FAM221A: variants seen among roughly 807,000 people sequenced by gnomAD.
FAM221A encodes the protein protein FAM221A.
Under a neutral mutation model 37.6 loss-of-function variants are expected in FAM221A, and 43 were observed. That is an observed-to-expected ratio of 1.15 (90% CI 0.90 to 1.48). The LOEUF (loss-of-function observed/expected upper bound fraction) is 1.48, where lower values mean the gene tolerates loss of function less well. FAM221A is among the 40% of genes most tolerant of loss of function. The pLI, the probability that FAM221A is intolerant of heterozygous loss-of-function variation, is 0.00. For synonymous variants in FAM221A, 135 were observed against 132.9 expected (o/e 1.02, Z -0.11); for missense variants, 361 against 361.5 (o/e 1.00, Z 0.01).
chr7:23,703,049 C>G (rs772593174), downstream of FAM221A: 2 of 152,212 alleles, frequency 1.3e-5, no homozygotes, highest in African/African-American at 2.4e-5. Flanking sequence ...CATAAGTGCT[C>G]TCCCGTCTGT....
Position 23,691,486 on chromosome 7 carries a change from T to G in FAM221A, c.527T>G (p.Leu176Trp), listed in dbSNP as rs766272645. 1 of 1,614,198 alleles carries G rather than the reference T, an allele frequency of 6.2e-7. No homozygotes were observed. The highest frequency in any genetic ancestry group is 8.5e-7 in the Non-Finnish European group (1 of 1,180,034). The change falls in exon 4 of 7, where the codon TTG becomes TGG. Residue 176 changes from leucine (L) to tryptophan (W), a missense_variant. Leu to Trp is a moderately conservative substitution (Grantham distance 61, BLOSUM62 -2). Transcript: ENST00000344962. Reference sequence around the variant, plus strand: ...GTAGTGGAAACTAAGCAAGAAAGATTGGCTCAGGAAAAACCAGTGGGACAG... The same window carrying G: ...GTAGTGGAAACTAAGCAAGAAAGATGGGCTCAGGAAAAACCAGTGGGACAG... ...DTVVETKQER[L>W]AQEKPVGQDI...
At chr7:23,688,342 G>C (rs767306782) in intron 2 of FAM221A, 1 of 151,982 alleles carries the variant, frequency 6.6e-6, no homozygotes, top group African/African-American at 2.4e-5. Context: ...CACCGCAACC[G>C]GCCTTTAATT....
At position 23,702,257 on chromosome 7, in the gene FAM221A, C is replaced by CTTT; in HGVS notation, c.*102_*104dup. On this transcript the variant is annotated 3_prime_UTR_variant, in exon 7 of 7. Coordinates refer to ENST00000344962, the MANE Select transcript of FAM221A (RefSeq NM_199136.5). ...AGTTTATTTTTCCTGAAATTATTTA[C>CTTT]TTTTTTTTTTTACTGTATAAATGTC... 9 of 613,034 alleles carry CTTT rather than the reference C, an allele frequency of 1.5e-5. No homozygotes were observed. The highest frequency in any genetic ancestry group is 8.0e-5 in the East Asian group (2 of 25,152). 38.0% of individuals were successfully genotyped at this position (613,034 alleles called of 1,614,324 possible). A position where few individuals can be genotyped will look rare whatever the true frequency, so the allele number is the denominator to read the frequency against.
intron 2 of FAM221A, among the ~76,000 whole-genome samples, chr7:23,685,882 C>T (rs1253261117): frequency 1.3e-5 from 2 of 152,162 alleles, no homozygotes; most frequent in Admixed American, 6.5e-5. Flanking sequence ...GTCTCTGAAC[C>T]TGTTCCATGT....
intron 2 of FAM221A, among the ~76,000 whole-genome samples, chr7:23,684,972 G>A (rs574345687): frequency 5.3e-5 from 8 of 152,210 alleles, no homozygotes; most frequent in African/African-American, 1.7e-4. Flanking sequence ...AAAATTGGCC[G>A]AGCTCAGTGG....
At position 23,698,318 on chromosome 7, in the gene FAM221A, G is replaced by C. The variant is rs749821521; in HGVS notation, c.745+19G>C. ...ACAGATGGTAATGAAATGAAGTTTA[G>C]AACTGTTTTTGGATGTAGTAAATTG... On this transcript the variant is annotated intron_variant, in intron 5 of 6. Coordinates refer to ENST00000344962, the MANE Select transcript of FAM221A (RefSeq NM_199136.5). 2.5e-5 allele frequency: 35 copies of C among 1,373,988 alleles called. No homozygotes were observed. The South Asian group carries it at 4.2e-4, about 17-fold the overall frequency. 85.1% of individuals were successfully genotyped at this position (1,373,988 alleles called of 1,614,324 possible).
At chr7:23,692,700 A>C (rs1362640386) in intron 4 of FAM221A, 1 of 984,250 alleles carries the variant, frequency 1.0e-6, no homozygotes, top group African/African-American at 1.7e-5. Flanking sequence ...GTGGAAAAAG[A>C]AAGAAATTAA....
At chr7:23,698,998 A>G (rs1298877078) in intron 5 of FAM221A, among the ~76,000 whole-genome samples, 1 of 152,150 alleles carries the variant, frequency 6.6e-6, no homozygotes, top group Non-Finnish European at 1.5e-5. Flanking sequence ...TTCAGTTTTG[A>G]CTGAGTTTAG....
At chr7:23,696,596 G>A (rs1456316522) in intron 4 of FAM221A, among the ~76,000 whole-genome samples, 1 of 152,140 alleles carries the variant, frequency 6.6e-6, no homozygotes, top group Non-Finnish European at 1.5e-5. Flanking sequence ...CACTTTTATA[G>A]GGCAGCTCTG....
At chr7:23,691,981 C>T (rs901450090) in intron 4 of FAM221A, among the ~76,000 whole-genome samples, 1 of 152,054 alleles carries the variant, frequency 6.6e-6, no homozygotes, top group Non-Finnish European at 1.5e-5. Context: ...CTGTATGTAA[C>T]TTAAGCTATT....
chr7:23,687,799 A>G (rs1784458326), intron 2 of FAM221A: 2 of 151,738 alleles, frequency 1.3e-5, no homozygotes, highest in Admixed American at 6.6e-5. Flanking sequence ...ATACACCACC[A>G]TGCTGGGCTA....
At chr7:23,702,712 T>C (rs1434450514), downstream of FAM221A, 3 of 152,362 alleles carry the variant, frequency 2.0e-5, no homozygotes, top group African/African-American at 7.2e-5. Flanking sequence ...TATCTACTGA[T>C]TTTTACGTTG....
chr7:23,692,788 T>C (rs1223130988), intron 4 of FAM221A: 1 of 932,114 alleles, frequency 1.1e-6, no homozygotes, highest in Non-Finnish European at 1.3e-6. Flanking sequence ...TTAATTTTTC[T>C]CTTTAACATA....
At chr7:23,701,432 G>A (rs1481223140) in intron 6 of FAM221A, among the ~76,000 whole-genome samples, 1 of 151,682 alleles carries the variant, frequency 6.6e-6, no homozygotes, top group Non-Finnish European at 1.5e-5. Flanking sequence ...GTAGAGACGG[G>A]GTTTCACTGT....
At chr7:23,699,484 T>C (rs375396414) in intron 5 of FAM221A, among the ~76,000 whole-genome samples, 2 of 151,976 alleles carry the variant, frequency 1.3e-5, no homozygotes, top group East Asian at 3.9e-4. Flanking sequence ...GTAAAAGCTT[T>C]TTTTCAGCAA....
chr7:23,680,610 G>C (rs927012121), intron 1 of FAM221A: 5 of 319,378 alleles, frequency 1.6e-5, no homozygotes, highest in Non-Finnish European at 2.9e-5. Flanking sequence ...CGAGTACTCG[G>C]GGCTATAGAA....
rs1268895231 is a variant in FAM221A at position 23,684,555 on chromosome 7, A to G, written c.122A>G (p.Tyr41Cys). The change falls in exon 2 of 7, where the codon TAC becomes TGC. Residue 41 changes from tyrosine (Y) to cysteine (C), a missense_variant. Tyr to Cys is a radical substitution (Grantham distance 194). Coordinates refer to ENST00000344962, the MANE Select transcript of FAM221A (RefSeq NM_199136.5). Reference protein sequence around the residue: ...KLFTPEEYEEYKRKVLPLRLQ... With the variant: ...KLFTPEEYEECKRKVLPLRLQ... ...TTTACTCCTGAAGAATATGAAGAAT[A>G]CAAAAGAAAAGTTTTACCTCTGCGC... 1 of 1,613,996 alleles carries G rather than the reference A, an allele frequency of 6.2e-7. No homozygotes were observed. Among genetic ancestry groups the G allele is most frequent in the Non-Finnish European group, 8.5e-7 (1 of 1,179,976 alleles).
intron 6 of FAM221A, among the ~76,000 whole-genome samples, chr7:23,701,688 G>A (rs112704366): frequency 3.3e-5 from 5 of 152,112 alleles, no homozygotes. Context: ...TTTCAGAAAG[G>A]TAACTGTGGG....
At chr7:23,698,454 T>C (rs566375250) in intron 5 of FAM221A, among the ~76,000 whole-genome samples, 155 bp downstream of exon 5, 48 of 152,348 alleles carry the variant, frequency 3.2e-4, no homozygotes, top group African/African-American at 1.1e-3. Flanking sequence ...AGCCACACAC[T>C]GAGAAAAAGC....
Sources: allele counts gnomAD v4.1 joint callset (sites outside exome capture counted in the v4.1 genomes callset), GRCh38; gene constraint gnomAD v4.1.1; transcripts MANE v1.5; gene names NCBI Gene and HGNC (gene_info 2026-07-23, HGNC 2026-07-21).